The following TDRD9 variants were observed in gnomAD, a reference collection of about 807,000 sequenced individuals.
TDRD9 encodes the protein tudor domain containing 9.
A neutral mutation model predicts 172.6 loss-of-function variants in TDRD9; 124 were observed. That is an observed-to-expected ratio of 0.72 (90% CI 0.62 to 0.83). The LOEUF (loss-of-function observed/expected upper bound fraction) is 0.83, where lower values mean the gene tolerates loss of function less well. Among genes scored for constraint, TDRD9 ranks in the 40% least tolerant of loss-of-function variants. The pLI is 0.00. For synonymous variants in TDRD9, 619 were observed against 617.1 expected, an observed-to-expected ratio of 1.00 and a Z score of -0.05; for missense variants, 1,479 against 1,714.1, an observed-to-expected ratio of 0.86 and a Z score of 2.42.
chr14:104,010,028 C>T (rs979838410), intron 20 of TDRD9, among the ~76,000 whole-genome samples: 1 of 151,676 alleles, frequency 6.6e-6, no homozygotes, highest in Non-Finnish European at 1.5e-5. Flanking sequence ...TCACTGTAAC[C>T]TCTGCCTCCC....
intron 28 of TDRD9, among the ~76,000 whole-genome samples, chr14:104,027,494 A>G (rs2035158264): frequency 6.6e-6 from 1 of 152,214 alleles, no homozygotes; most frequent in African/African-American, 2.4e-5. Context: ...ACTTCTTTCA[A>G]CTGTTTCTTT....
At chr14:104,038,973 T>G (rs1157869577) in intron 32 of TDRD9, among the ~76,000 whole-genome samples, 1 of 152,134 alleles carries the variant, frequency 6.6e-6, no homozygotes, top group Admixed American at 6.6e-5. Context: ...CCCAGTATAT[T>G]AGTTCATTCT....
intron 6 of TDRD9, among the ~76,000 whole-genome samples, chr14:103,973,441 C>A (rs2033117654): frequency 6.6e-6 from 1 of 152,190 alleles, no homozygotes; most frequent in Non-Finnish European, 1.5e-5. Context: ...TCTATACCAT[C>A]CTCCAGCCAC....
In TDRD9 at chr14:103,995,856, T is replaced by G. The variant is rs373513386; in HGVS notation, c.1378+49T>G. On this transcript the variant is annotated intron_variant, in intron 12 of 35. Coordinates refer to ENST00000409874, the MANE Select transcript of TDRD9 (RefSeq NM_153046.3). ...CCTGGCATTAGCTGTAGTGCCATAT[T>G]TATTGGCTTATTCACCTCACTCAGG... is the stretch of plus-strand genomic sequence containing the variant. 11 of 1,474,824 alleles carry G rather than the reference T, an allele frequency of 7.5e-6. No individual in the cohort carries two copies. The African/African-American group carries it at 1.5e-4, about 21-fold the overall frequency. 91.4% of individuals were successfully genotyped at this position (1,474,824 alleles called of 1,614,324 possible). A position where few individuals can be genotyped will look rare whatever the true frequency, so the allele number is the denominator to read the frequency against.
At chr14:103,984,574 A>G (rs531366401) in intron 7 of TDRD9, among the ~76,000 whole-genome samples, 1 of 152,186 alleles carries the variant, frequency 6.6e-6, no homozygotes, top group South Asian at 2.1e-4. Flanking sequence ...ACCTCTGCCT[A>G]CTTTTCAGAG....
intron 1 of TDRD9, among the ~76,000 whole-genome samples, chr14:103,946,789 C>T (rs917231165): frequency 6.6e-6 from 1 of 152,146 alleles, no homozygotes; most frequent in African/African-American, 2.4e-5. Context: ...CAAAACTATT[C>T]TATTGGTAAT....
At chr14:103,961,883 C>A (rs779591102) in intron 2 of TDRD9, among the ~76,000 whole-genome samples, 1 of 151,904 alleles carries the variant, frequency 6.6e-6, no homozygotes. Context: ...TAGGAAAGGC[C>A]GAGGGTGACA....
At chr14:103,975,854 T>C (rs1174718007) in intron 7 of TDRD9, among the ~76,000 whole-genome samples, 1 of 152,182 alleles carries the variant, frequency 6.6e-6, no homozygotes, top group Non-Finnish European at 1.5e-5. Context: ...TATTTGAAAA[T>C]AAACGATAAG....
chr14:103,989,876 C>T (rs368658768), intron 8 of TDRD9, among the ~76,000 whole-genome samples: 6 of 152,360 alleles, frequency 3.9e-5, no homozygotes, highest in African/African-American at 9.6e-5. Context: ...GCCTCTTGCC[C>T]GTCTGGTGAC....
intron 1 of TDRD9, among the ~76,000 whole-genome samples, chr14:103,937,415 C>T (rs1229225755): frequency 6.6e-6 from 1 of 152,190 alleles, no homozygotes; most frequent in Non-Finnish European, 1.5e-5. Flanking sequence ...GGACCCTGTT[C>T]AGATACCTCC....
intron 2 of TDRD9, among the ~76,000 whole-genome samples, chr14:103,960,688 C>T (rs1356655995): frequency 1.3e-5 from 2 of 152,226 alleles, no homozygotes; most frequent in African/African-American, 4.8e-5. Context: ...GGGTCTGCTT[C>T]AGCCAGTGAC....
chr14:104,031,459 C>G (rs1334260185), intron 29 of TDRD9, among the ~76,000 whole-genome samples, 196 bp downstream of exon 29: 1 of 133,444 alleles, frequency 7.5e-6, no homozygotes, highest in African/African-American at 2.7e-5. Context: ...TAGAGAGAAG[C>G]TTTGACTAGT....
rs2034398379 is a variant in TDRD9 at position 104,005,265 on chromosome 14, T to C, written c.1582-9T>C. On this transcript the variant is annotated splice_polypyrimidine_tract_variant and intron_variant, in intron 14 of 35. Transcript: ENST00000409874. ...TATTATTTCTAATCTCAGGCTTGTT[T>C]CTTTTCAGCGTTGTCCATTAGGAAG... 1 of 1,613,758 alleles carries C rather than the reference T, an allele frequency of 6.2e-7. No individual in the cohort carries two copies.
At chr14:103,950,857 C>G (rs913584923) in intron 1 of TDRD9, among the ~76,000 whole-genome samples, 192 of 152,264 alleles carry the variant, frequency 1.3e-3, no homozygotes, top group Non-Finnish European at 2.1e-3. Context: ...TCTACAAAAC[C>G]CACAACCTTG....
chr14:104,025,223 C>G (rs962102974), intron 25 of TDRD9, among the ~76,000 whole-genome samples: 22 of 152,192 alleles, frequency 1.4e-4, no homozygotes, highest in Non-Finnish European at 3.1e-4. Context: ...CTCTAGTGAT[C>G]TGCCCACCTC....
chr14:104,010,102 C>T lies in TDRD9; in HGVS notation c.2106+1636C>T, dbSNP rs1283175487. Among the ~76,000 whole-genome samples the T allele has an allele frequency of 3.9e-5, 6 of 151,936 alleles. 1 individual carries two copies. The highest frequency in any genetic ancestry group is 1.9e-4 in the East Asian group (1 of 5,188). ...CTGGGATTACAGGTGTGCGTCACCA[C>T]GCTTGGCTACTTTTTTGTATTTTTA... is the stretch of plus-strand genomic sequence containing the variant. On this transcript the variant is annotated intron_variant, in intron 20 of 35. Coordinates refer to ENST00000409874, the MANE Select transcript of TDRD9 (RefSeq NM_153046.3).
At chr14:104,043,842 C>T (rs1257189342) in intron 34 of TDRD9, among the ~76,000 whole-genome samples, 4 of 152,202 alleles carry the variant, frequency 2.6e-5, no homozygotes, top group Non-Finnish European at 2.9e-5. Flanking sequence ...TAAGTATTGT[C>T]GGGAAAGGCA....
intron 30 of TDRD9, among the ~76,000 whole-genome samples, chr14:104,033,176 T>G (rs929062122): frequency 6.6e-6 from 1 of 152,164 alleles, no homozygotes; most frequent in Non-Finnish European, 1.5e-5. Flanking sequence ...TTTGGGTAAG[T>G]CTTGTCTTCT....
At chr14:103,968,971 G>A (rs1440590311) in intron 5 of TDRD9, among the ~76,000 whole-genome samples, 6 of 147,606 alleles carry the variant, frequency 4.1e-5, no homozygotes, top group African/African-American at 1.5e-4. Context: ...ATGGTGGCGG[G>A]CACCTGTAGT....
Sources: allele counts gnomAD v4.1 joint callset (sites outside exome capture counted in the v4.1 genomes callset), GRCh38; gene constraint gnomAD v4.1.1; transcripts MANE v1.5; gene names NCBI Gene and HGNC (gene_info 2026-07-23, HGNC 2026-07-21).